The following PKD1L1 variants were observed in gnomAD, a reference collection of about 807,000 sequenced individuals.
The protein encoded by PKD1L1 is polycystin-1-like protein 1.
A neutral mutation model predicts 323.4 loss-of-function variants in PKD1L1; 236 were observed. That is an observed-to-expected ratio of 0.73 (90% CI 0.66 to 0.81). The LOEUF is 0.81. Among genes scored for constraint, PKD1L1 ranks in the 40% least tolerant of loss-of-function variants. PKD1L1 has a pLI of 0.00. For synonymous variants in PKD1L1, 1,344 were observed against 1,335.0 expected (o/e 1.01, Z -0.15); for missense variants, 3,320 against 3,508.0 (o/e 0.95, Z 1.35).
At chr7:47,794,565 C>T (rs150274840) in intron 55 of PKD1L1, among the ~76,000 whole-genome samples, 292 of 152,282 alleles carry the variant, frequency 1.9e-3, no homozygotes, top group African/African-American at 6.6e-3. Flanking sequence ...TCTGCAGGGG[C>T]GGGGCCCTTA....
chr7:47,934,794 C>CT (rs1787836076), intron 4 of PKD1L1, among the ~76,000 whole-genome samples: 1 of 152,130 alleles, frequency 6.6e-6, no homozygotes, highest in Non-Finnish European at 1.5e-5. Flanking sequence ...AGGAGACAGA[C>CT]ACAAGAGTAC....
intron 50 of PKD1L1, among the ~76,000 whole-genome samples, chr7:47,810,731 A>G (rs557711950): frequency 6.6e-6 from 1 of 152,356 alleles, no homozygotes; most frequent in East Asian, 1.9e-4. Context: ...GAAAATCAGG[A>G]AAGTTCCCAA....
rs778544317 is a variant in PKD1L1, at chr7:47,840,528, T to C, written c.5485A>G (p.Thr1829Ala). 14 of 1,614,056 alleles carry C rather than the reference T, an allele frequency of 8.7e-6. 1 individual carries two copies. In the Admixed American group the frequency reaches 2.2e-4, roughly 25 times the overall value. ...VLCGDNGLSE[T>A]KELSCPEKPL... ...TTCTCTGGACAGGAGAGCTCCTTGG[T>C]TTCTGACAGTCCATTGTCGCCACAT... is the stretch of plus-strand genomic sequence containing the variant. The change falls in exon 35 of 57, where the codon ACC (threonine) becomes GCC (alanine). Residue 1829 changes from threonine (T) to alanine (A), a missense_variant. Physicochemically the swap from Thr to Ala is moderately conservative, Grantham distance 58. Transcript: ENST00000289672. The surrounding 1 kb of genome is among the most constrained non-coding windows in gnomAD (Gnocchi z 4.1).
intron 21 of PKD1L1, among the ~76,000 whole-genome samples, chr7:47,878,105 T>C (rs1046859903): frequency 2.6e-5 from 4 of 152,150 alleles, no homozygotes; most frequent in African/African-American, 9.7e-5. Context: ...CTTAGCCACA[T>C]ACACACGTAC....
In PKD1L1 at chr7:47,833,250, T is replaced by G. The variant is rs534163236; in HGVS notation, c.6177A>C (p.Gln2059His). ...RIPDAQEPRK[Q>H]PASAILSGSG... ...TCCCAGAGAGAATGGCTGATGCAGG[T>G]TGCTAGAATGACAAGGTCATGCCAA... The change falls in exon 41 of 57, where the codon CAA (glutamine) becomes CAC (histidine). Residue 2059 changes from glutamine (Q) to histidine (H), a missense_variant and splice_region_variant. Gln to His is a conservative substitution (Grantham distance 24). Coordinates refer to ENST00000289672, the MANE Select transcript of PKD1L1 (RefSeq NM_138295.5). The G allele has an allele frequency of 6.2e-7, 1 of 1,611,576 alleles. No homozygotes were observed. Among genetic ancestry groups the G allele is most frequent in the Non-Finnish European group, 8.5e-7 (1 of 1,178,810 alleles).
chr7:47,891,717 A>T (rs565532764), intron 15 of PKD1L1, among the ~76,000 whole-genome samples: 9 of 152,322 alleles, frequency 5.9e-5, no homozygotes, highest in African/African-American at 2.2e-4. Flanking sequence ...GGAATATTCT[A>T]TACTCCCAGG....
rs1168224346 is a variant in PKD1L1 at position 47,858,671 on chromosome 7, A to G, written c.4362+2T>C. The G allele has an allele frequency of 2.5e-6, 4 of 1,607,322 alleles. No homozygotes were observed. On this transcript the variant is annotated splice_donor_variant, in intron 27 of 56. Coordinates refer to ENST00000289672, the MANE Select transcript of PKD1L1 (RefSeq NM_138295.5). LOFTEE classifies it high-confidence loss of function. ...TATGGATGGAGAAAAAGTGTGACTTACCAACAATAAATCTGAGATGACTGT... is the reference window on the plus strand; with the variant it reads ...TATGGATGGAGAAAAAGTGTGACTTGCCAACAATAAATCTGAGATGACTGT...
chr7:47,910,249 T>C (rs909628038), intron 8 of PKD1L1, among the ~76,000 whole-genome samples: 1 of 152,114 alleles, frequency 6.6e-6, no homozygotes. Context: ...AGGCAGTTTA[T>C]ATAATAGTTA....
intron 28 of PKD1L1, 65 bp from the exon 29 acceptor site, chr7:47,855,330 G>C (rs1302469986): frequency 8.4e-7 from 1 of 1,189,124 alleles, no homozygotes; most frequent in Non-Finnish European, 1.2e-6. Context: ...GAGAAAAGCA[G>C]CAAACCAAAG....
At chr7:47,890,355 C>A (rs1400052993) in intron 16 of PKD1L1, among the ~76,000 whole-genome samples, 187 bp downstream of exon 16, 1 of 152,240 alleles carries the variant, frequency 6.6e-6, no homozygotes, top group African/African-American at 2.4e-5. Context: ...CAGACATCAG[C>A]CCGAGAGCGG....
chr7:47,810,539 T>C (rs1231453191), intron 50 of PKD1L1, among the ~76,000 whole-genome samples: 4 of 152,154 alleles, frequency 2.6e-5, no homozygotes, highest in Non-Finnish European at 5.9e-5. Context: ...CCACCCTCCA[T>C]TGCGCCCACA....
intron 32 of PKD1L1, among the ~76,000 whole-genome samples, chr7:47,846,488 C>T (rs1157557746): frequency 6.6e-6 from 1 of 152,188 alleles, no homozygotes; most frequent in African/African-American, 2.4e-5. Flanking sequence ...GAGGGTCCCA[C>T]CTGCCTGACT....
At chr7:47,894,209 C>T in intron 14 of PKD1L1, 150 bp from the exon 15 acceptor site, 2 of 636,864 alleles carry the variant, frequency 3.1e-6, no homozygotes, top group Non-Finnish European at 5.2e-6. Context: ...GTCAAAATAA[C>T]CACTCTACTG....
chr7:47,838,510 A>G (rs577727018), intron 36 of PKD1L1, among the ~76,000 whole-genome samples: 1 of 151,586 alleles, frequency 6.6e-6, no homozygotes, highest in East Asian at 1.9e-4. Flanking sequence ...GGTCATGCAC[A>G]GTGGGCCACT....
At chr7:47,815,574 C>A in intron 46 of PKD1L1, 117 bp from the exon 47 acceptor site, 1 of 1,232,586 alleles carries the variant, frequency 8.1e-7, no homozygotes, top group Non-Finnish European at 1.1e-6. Context: ...AGGTACTCTG[C>A]AGGAATTAAA....
chr7:47,874,601 G>A (rs756907912), intron 23 of PKD1L1, among the ~76,000 whole-genome samples: 15 of 152,110 alleles, frequency 9.9e-5, no homozygotes, highest in African/African-American at 3.4e-4. Flanking sequence ...AGCAAATTCC[G>A]TGCTCCATCT....
intron 21 of PKD1L1, among the ~76,000 whole-genome samples, 175 bp downstream of exon 21, chr7:47,880,553 A>T (rs1786529886): frequency 1.5e-5 from 1 of 64,670 alleles, no homozygotes; most frequent in East Asian, 2.3e-4. Flanking sequence ...AAGTGCTGGG[A>T]TTACAAGCGT....
rs750692853 is a variant in PKD1L1, at chr7:47,846,777, T to C, written c.5153+102A>G. 3.0e-5 allele frequency: 32 copies of C among 1,077,368 alleles called. No individual in the cohort carries two copies. The Admixed American group carries it at 7.2e-4, about 24-fold the overall frequency. 66.7% of individuals were successfully genotyped at this position (1,077,368 alleles called of 1,614,324 possible). A position where few individuals can be genotyped will look rare whatever the true frequency, so the allele number is the denominator to read the frequency against. ...ACAAACCAAGAGAGCTCCAGCTTCT[T>C]ATGGACAAGGTTCAGGAAAGGCTCT... On this transcript the variant is annotated intron_variant, in intron 32 of 56. Transcript: ENST00000289672.
chr7:47,811,742 G>A, intron 50 of PKD1L1, 75 bp downstream of exon 50: 2 of 1,240,482 alleles, frequency 1.6e-6, no homozygotes, highest in South Asian at 1.4e-5. Flanking sequence ...GTCCTGTCTG[G>A]TGGAGAAGCC....
Sources: allele counts gnomAD v4.1 joint callset (sites outside exome capture counted in the v4.1 genomes callset), GRCh38; gene constraint gnomAD v4.1.1; non-coding constraint Gnocchi (gnomAD v3.1); transcripts MANE v1.5; gene names NCBI Gene and HGNC (gene_info 2026-07-23, HGNC 2026-07-21).